SOX6: variants seen among roughly 807,000 people sequenced by gnomAD.
SOX6 encodes SRY-box transcription factor 6.
SOX6 carries 11 observed loss-of-function variants against 97.8 expected under a neutral mutation model. The ratio of observed to expected loss-of-function variants is 0.11; its 90% confidence interval spans 0.07 to 0.19. SOX6 has a LOEUF of 0.19. SOX6 is among the 10% of genes least tolerant of loss of function. The pLI is 1.00. For synonymous variants in SOX6, 360 were observed against 371.4 expected (o/e 0.97, Z 0.35); for missense variants, 810 against 1,039.5 (o/e 0.78, Z 3.04).
chr11:16,078,655 T>A (rs1848409223), intron 9 of SOX6, among the ~76,000 whole-genome samples: 2 of 152,084 alleles, frequency 1.3e-5, no homozygotes, highest in Admixed American at 1.3e-4. Context: ...CAGATAAGCA[T>A]ATAGATATGT....
At chr11:16,481,601 G>T (rs777027918) in intron 4 of SOX6, among the ~76,000 whole-genome samples, 1 of 152,098 alleles carries the variant, frequency 6.6e-6, no homozygotes, top group African/African-American at 2.4e-5. Context: ...ATATTATTTT[G>T]GTATTGAGGG....
chr11:16,042,339 C>T (rs891522044), intron 12 of SOX6, among the ~76,000 whole-genome samples: 14 of 152,096 alleles, frequency 9.2e-5, no homozygotes, highest in Admixed American at 3.3e-4. Flanking sequence ...AGCTTTCCAG[C>T]GCCAGCAGCA....
At chr11:16,643,338 C>G (rs921538725) in intron 3 of SOX6, among the ~76,000 whole-genome samples, 2 of 152,210 alleles carry the variant, frequency 1.3e-5, no homozygotes, top group African/African-American at 4.8e-5. Flanking sequence ...GGGGGTGCCT[C>G]CCAGTTAGGC....
At chr11:16,147,295 T>C (rs2134050340) in intron 6 of SOX6, among the ~76,000 whole-genome samples, 1 of 152,066 alleles carries the variant, frequency 6.6e-6, no homozygotes, top group Non-Finnish European at 1.5e-5. Context: ...AGGTGGGAAT[T>C]GAACAATGAG....
At chr11:16,547,543 A>G (rs569809990) in intron 4 of SOX6, among the ~76,000 whole-genome samples, 66 of 152,318 alleles carry the variant, frequency 4.3e-4, no homozygotes, top group African/African-American at 1.6e-3. Flanking sequence ...GGCCAGGCAC[A>G]GAAAGACAAA....
At chr11:16,347,234 G>A (rs1856796440) in intron 1 of SOX6, among the ~76,000 whole-genome samples, 1 of 151,960 alleles carries the variant, frequency 6.6e-6, no homozygotes, top group African/African-American at 2.4e-5. Context: ...CTGAGTATCT[G>A]GTTTCTTCCT....
chr11:16,590,173 T>C (rs1206073192), intron 4 of SOX6, among the ~76,000 whole-genome samples: 2 of 152,148 alleles, frequency 1.3e-5, no homozygotes, highest in Non-Finnish European at 2.9e-5. Context: ...CATAGAAAAC[T>C]TGGCTGAAGA....
At chr11:16,682,674 G>A (rs1847937058) in intron 3 of SOX6, among the ~76,000 whole-genome samples, 1 of 152,146 alleles carries the variant, frequency 6.6e-6, no homozygotes, top group Non-Finnish European at 1.5e-5. Flanking sequence ...TTCAAAACTG[G>A]CACAAAACAA....
chr11:16,310,182 C>G (rs1590113619), intron 3 of SOX6, among the ~76,000 whole-genome samples: 1 of 151,990 alleles, frequency 6.6e-6, no homozygotes, highest in South Asian at 2.1e-4. Flanking sequence ...AATATATTAC[C>G]CAAACTGTAA....
At chr11:16,358,962 T>G (rs2134372275), upstream of SOX6, among the ~76,000 whole-genome samples, 1 of 152,298 alleles carries the variant, frequency 6.6e-6, no homozygotes, top group East Asian at 1.9e-4. Flanking sequence ...CCATACTGAC[T>G]GCCAGACAGA....
chr11:16,714,867 T>A (rs1848208905), exon 3 of SOX6: 1 of 152,218 alleles, frequency 6.6e-6, no homozygotes, highest in Non-Finnish European at 1.5e-5. Context: ...TTCAAGGCTC[T>A]GATTTAAAAG....
At chr11:16,465,016 T>C (rs1860002190) in intron 1 of SOX6, among the ~76,000 whole-genome samples, 1 of 152,216 alleles carries the variant, frequency 6.6e-6, no homozygotes, top group Admixed American at 6.5e-5. Context: ...ATTTACTGTT[T>C]AACTTATCTC....
At chr11:16,430,868 T>TCATGTCACCTTTCTGCTGAGAACC (rs1859258777) in intron 1 of SOX6, among the ~76,000 whole-genome samples, 1 of 152,296 alleles carries the variant, frequency 6.6e-6, no homozygotes, top group East Asian at 1.9e-4. Flanking sequence ...TGCTGAGAAC[T>TCATGTCACCTTTCTGCTGAGAACC]CATGTCACCT....
chr11:16,608,875 A>T (rs1455822497), intron 4 of SOX6, among the ~76,000 whole-genome samples: 1 of 152,236 alleles, frequency 6.6e-6, no homozygotes, highest in Non-Finnish European at 1.5e-5. Context: ...GATTTGGAGA[A>T]ACAATTTCAA....
At chr11:16,140,470 G>A (rs1179590367) in intron 6 of SOX6, among the ~76,000 whole-genome samples, 1 of 152,080 alleles carries the variant, frequency 6.6e-6, no homozygotes, top group East Asian at 1.9e-4. Flanking sequence ...TTTGATACCT[G>A]GCTCCAACTA....
At chr11:16,344,454 C>T (rs1856723423) in intron 1 of SOX6, among the ~76,000 whole-genome samples, 1 of 151,840 alleles carries the variant, frequency 6.6e-6, no homozygotes, top group Admixed American at 6.6e-5. Flanking sequence ...TTTACTCAAC[C>T]AACCAAACTG....
At chr11:16,301,374 A>C (rs780209741) in intron 3 of SOX6, among the ~76,000 whole-genome samples, 2 of 152,228 alleles carry the variant, frequency 1.3e-5, no homozygotes, top group Non-Finnish European at 2.9e-5. Context: ...CTTGGACTAT[A>C]TATTACAGAA....
intron 9 of SOX6, among the ~76,000 whole-genome samples, chr11:16,069,217 T>C (rs1266975464): frequency 2.6e-5 from 4 of 152,194 alleles, no homozygotes; most frequent in African/African-American, 7.2e-5. Flanking sequence ...CATATTCTAA[T>C]ACAATCTCTT....
chr11:16,049,960 A>G (rs760857418), intron 10 of SOX6, 22 bp from the exon 11 acceptor site: 2 of 1,612,558 alleles, frequency 1.2e-6, no homozygotes, highest in Non-Finnish European at 1.7e-6. Context: ...TAACGTAAAT[A>G]ATTATTTTTA....
Sources: allele counts gnomAD v4.1 joint callset (sites outside exome capture counted in the v4.1 genomes callset), GRCh38; gene constraint gnomAD v4.1.1; transcripts MANE v1.5; gene names NCBI Gene and HGNC (gene_info 2026-07-23, HGNC 2026-07-21).